Variants in PRKN observed in about 807,000 individuals in gnomAD.
PRKN encodes parkin RBR E3 ubiquitin protein ligase, also known as E3 ubiquitin-protein ligase parkin.
PRKN carries 56 observed loss-of-function variants against 59.5 expected under a neutral mutation model. That is an observed-to-expected ratio of 0.94 (90% CI 0.76 to 1.18). PRKN has a LOEUF of 1.18. Among genes scored for constraint, PRKN ranks in the 50% most tolerant of loss-of-function variants. The pLI is 0.00. For synonymous variants in PRKN, 250 were observed against 222.1 expected (o/e 1.13, Z -1.12); for missense variants, 657 against 596.4 (o/e 1.10, Z -1.06).
intron 1 of PRKN, among the ~76,000 whole-genome samples, chr6:162,624,046 C>T (rs553484608): frequency 8.0e-4 from 122 of 152,118 alleles, no homozygotes; most frequent in Non-Finnish European, 8.4e-4. Context: ...GTCGGGAGGT[C>T]GAGATCAGCC....
chr6:161,554,277 T>G lies in PRKN; in HGVS notation c.934-5274A>C, dbSNP rs1780147300. 6.6e-6 allele frequency among the ~76,000 whole-genome samples: 1 copy of G among 152,154 alleles called. No individual in the cohort carries two copies. Among genetic ancestry groups the G allele is most frequent in the Admixed American group, 6.5e-5 (1 of 15,274 alleles). ...GATTTCTGAAAACTTCAAATATGTT[T>G]TCATATGCTCTACTCATTCTCCCAC... On this transcript the variant is annotated intron_variant, in intron 8 of 11. Transcript: ENST00000366898. The surrounding 1 kb of genome is among the most constrained non-coding windows in gnomAD (Gnocchi z 4.5).
intron 1 of PRKN, among the ~76,000 whole-genome samples, chr6:162,629,472 G>A (rs745858688): frequency 6.6e-5 from 10 of 151,996 alleles, no homozygotes; most frequent in Middle Eastern, 3.4e-3. Context: ...AAACAAGTTC[G>A]TATTTTTAAA....
rs1442456985 is a variant in PRKN, at chr6:161,371,481, T to TG, written c.1168-11277_1168-11276insC. On this transcript the variant is annotated intron_variant, in intron 10 of 11. Transcript: ENST00000366898. This position sits in a 1 kb window ranked among gnomAD's most constrained non-coding sequence, Gnocchi z 5.5. ...CGCCCGGCCTATTTTGTTATTTTTT[T>TG]TAAGAGAAATCATCAGAGTGTTGGG... is the stretch of plus-strand genomic sequence containing the variant. Among the ~76,000 whole-genome samples the TG allele has an allele frequency of 7.2e-6, 1 of 138,918 alleles. No individual in the cohort carries two copies. The highest frequency in any genetic ancestry group is 2.6e-5 in the African/African-American group (1 of 38,648). 91.1% of individuals were successfully genotyped at this position (138,918 alleles called of 152,430 possible).
At chr6:162,550,683 T>C (rs888486950) in intron 1 of PRKN, among the ~76,000 whole-genome samples, 1 of 152,192 alleles carries the variant, frequency 6.6e-6, no homozygotes, top group Non-Finnish European at 1.5e-5. Flanking sequence ...AAGCATATGT[T>C]AGGTTTTAAA....
chr6:162,478,030 G>A (rs185960094), intron 1 of PRKN, among the ~76,000 whole-genome samples: 120 of 152,120 alleles, frequency 7.9e-4, no homozygotes, highest in South Asian at 2.5e-3. Flanking sequence ...GTCCTAGAGC[G>A]CAGAGTCCTA....
chr6:161,433,092 C>G (rs1788725180), intron 9 of PRKN, among the ~76,000 whole-genome samples: 1 of 152,280 alleles, frequency 6.6e-6, no homozygotes, highest in African/African-American at 2.4e-5. Context: ...TGATGATAGA[C>G]TATCATGTGA....
chr6:161,854,171 C>T (rs1290426184), intron 6 of PRKN, among the ~76,000 whole-genome samples: 1 of 151,644 alleles, frequency 6.6e-6, no homozygotes, highest in Non-Finnish European at 1.5e-5. Flanking sequence ...AGGAGAATCG[C>T]TTGAACCTGA....
intron 6 of PRKN, among the ~76,000 whole-genome samples, chr6:161,853,363 T>C (rs1419496635): frequency 6.6e-6 from 1 of 152,222 alleles, no homozygotes; most frequent in Non-Finnish European, 1.5e-5. Flanking sequence ...CTAGTGCGGC[T>C]ACAGTTTCAA....
chr6:161,434,903 G>A (rs535931657), intron 9 of PRKN, among the ~76,000 whole-genome samples: 2 of 152,268 alleles, frequency 1.3e-5, no homozygotes, highest in East Asian at 1.9e-4. Flanking sequence ...CAAGGGTAAC[G>A]TAGCATGTGT....
intron 1 of PRKN, among the ~76,000 whole-genome samples, chr6:162,454,052 C>T (rs1265034113): frequency 6.6e-6 from 1 of 152,160 alleles, no homozygotes. Flanking sequence ...CTTTGTACCT[C>T]ATCAAAAATA....
intron 2 of PRKN, among the ~76,000 whole-genome samples, chr6:162,394,433 C>G (rs1281424675): frequency 6.6e-6 from 1 of 152,282 alleles, no homozygotes; most frequent in Middle Eastern, 3.4e-3. Context: ...TAACTGAGTA[C>G]TCGATGTAAT....
At chr6:161,771,915 T>C (rs1197444949) in intron 7 of PRKN, among the ~76,000 whole-genome samples, 5 of 152,170 alleles carry the variant, frequency 3.3e-5, no homozygotes, top group Admixed American at 2.0e-4. Flanking sequence ...ATTTCAAAGA[T>C]AGTAGGAGGT....
rs1401989143 is a variant in PRKN, at chr6:161,546,741, G to A, written c.1083+2113C>T. 6.6e-6 allele frequency among the ~76,000 whole-genome samples: 1 copy of A among 152,008 alleles called. No homozygotes were observed. The highest frequency in any genetic ancestry group is 2.4e-5 in the African/African-American group (1 of 41,376). On this transcript the variant is annotated intron_variant, in intron 9 of 11. Coordinates refer to ENST00000366898, the MANE Select transcript of PRKN (RefSeq NM_004562.3). The surrounding 1 kb of genome is among the most constrained non-coding windows in gnomAD (Gnocchi z 4.4). ...CTCACTTCTAATGAATAAAGTGAGA[G>A]TGACAGGTGCAGCTTTGGGGATTTG...
chr6:161,713,229 A>G (rs1239766708), intron 7 of PRKN, among the ~76,000 whole-genome samples: 2 of 152,136 alleles, frequency 1.3e-5, no homozygotes, highest in African/African-American at 4.8e-5. Flanking sequence ...AGGTGGGGGG[A>G]TGCAGCTTCC....
intron 5 of PRKN, among the ~76,000 whole-genome samples, chr6:162,007,756 A>G (rs1363666394): frequency 1.3e-5 from 2 of 152,166 alleles, no homozygotes; most frequent in Non-Finnish European, 2.9e-5. Context: ...GGCATGCAAT[A>G]TGGTTCCAAA....
intron 5 of PRKN, among the ~76,000 whole-genome samples, chr6:162,011,531 A>AT: frequency 1.6e-5 from 2 of 124,238 alleles, no homozygotes; most frequent in Non-Finnish European, 3.2e-5. Context: ...ATATATATAT[A>AT]AAACTTTCCA....
chr6:161,396,925 C>A lies in PRKN; in HGVS notation c.1084-10048G>T, dbSNP rs1192796852. On this transcript the variant is annotated intron_variant, in intron 9 of 11. Coordinates refer to ENST00000366898, the MANE Select transcript of PRKN (RefSeq NM_004562.3). The surrounding 1 kb of genome is among the most constrained non-coding windows in gnomAD (Gnocchi z 5.4). ...TTTTGTCTTTGGAGGTTTTGCAGCT[C>A]CTCAATGATCAATCAATCAATCAGT... is the stretch of plus-strand genomic sequence containing the variant. Among the ~76,000 whole-genome samples the A allele has an allele frequency of 1.3e-5, 2 of 152,196 alleles. No individual in the cohort carries two copies. Among genetic ancestry groups the A allele is most frequent in the Non-Finnish European group, 2.9e-5 (2 of 68,046 alleles).
chr6:162,046,252 A>G (rs1213753110), intron 5 of PRKN, among the ~76,000 whole-genome samples: 1 of 152,232 alleles, frequency 6.6e-6, no homozygotes, highest in Admixed American at 6.5e-5. Context: ...AAAACGAAGT[A>G]AGACTTTTGA....
chr6:162,244,032 C>T (rs1779099378), intron 3 of PRKN, among the ~76,000 whole-genome samples: 1 of 152,036 alleles, frequency 6.6e-6, no homozygotes, highest in Non-Finnish European at 1.5e-5. Context: ...AAAACAGTTG[C>T]TCTTTAGAAA....
Sources: gnomAD v4.1 joint callset for allele counts (sites outside exome capture counted in the v4.1 genomes callset) on GRCh38, gnomAD v4.1.1 for gene constraint, Gnocchi (gnomAD v3.1) non-coding constraint, MANE v1.5 for transcripts, NCBI Gene and HGNC (gene_info 2026-07-23, HGNC 2026-07-21) for gene names.